GNL3: variants seen among roughly 807,000 people sequenced by gnomAD.
The protein encoded by GNL3 is G protein nucleolar 3, also known as guanine nucleotide-binding protein-like 3.
A neutral mutation model predicts 70.6 loss-of-function variants in GNL3; 77 were observed. The ratio of observed to expected loss-of-function variants is 1.09; its 90% confidence interval spans 0.91 to 1.32. The LOEUF (loss-of-function observed/expected upper bound fraction) is 1.32. Ranked by LOEUF, GNL3 falls within the 40% of genes most tolerant of loss-of-function variation. GNL3 has a pLI of 0.00. For synonymous variants in GNL3, 252 were observed against 216.1 expected, an observed-to-expected ratio of 1.17 and a Z score of -1.46; for missense variants, 634 against 644.0, an observed-to-expected ratio of 0.98 and a Z score of 0.17.
rs373318905 is a variant in GNL3 at position 52,687,391 on chromosome 3, A to C, written c.210+8A>C. ...GAGCTAAGGAAACAGAGGGTAAGTT[A>C]TGTTAGCCAGAATTTTCATTGAGTG... On this transcript the variant is annotated splice_region_variant and intron_variant, in intron 3 of 14. Coordinates refer to ENST00000418458, the MANE Select transcript of GNL3 (RefSeq NM_014366.5). 9.9e-6 allele frequency: 16 copies of C among 1,612,962 alleles called. No individual in the cohort carries two copies. Among genetic ancestry groups the C allele is most frequent in the Non-Finnish European group, 1.3e-5 (15 of 1,179,588 alleles).
chr3:52,686,825 A>C lies in GNL3; in HGVS notation c.70A>C (p.Lys24Gln). 6.2e-7 allele frequency: 1 copy of C among 1,608,008 alleles called. No individual in the cohort carries two copies. Among genetic ancestry groups the C allele is most frequent in the Non-Finnish European group, 8.5e-7 (1 of 1,174,400 alleles). The change falls in exon 2 of 15, where the codon AAG (lysine) becomes CAG (glutamine). Residue 24 changes from lysine to glutamine, a missense_variant and splice_region_variant. Lys to Gln is a moderately conservative substitution (Grantham distance 53). Transcript: ENST00000418458. ...TCHKRYKIQKKVREHHRKLRK... is the reference protein window; with the variant it reads ...TCHKRYKIQKQVREHHRKLRK... ...CCATAAGCGGTATAAAATCCAAAAA[A>C]AGGTAAGTGTAGTGCTTGAGAGAGC...
chr3:52,692,574 C>T (rs899814943), intron 9 of GNL3, among the ~76,000 whole-genome samples: 2 of 152,054 alleles, frequency 1.3e-5, no homozygotes, highest in African/African-American at 2.4e-5. Context: ...ACCTCGGCCT[C>T]CCAAAGTGCT....
At position 52,690,608 on chromosome 3, in the gene GNL3, G is replaced by T. The variant is rs1474086111; in HGVS notation, c.558G>T (p.Glu186Asp). 1.2e-6 allele frequency: 2 copies of T among 1,603,124 alleles called. No homozygotes were observed. Among genetic ancestry groups the T allele is most frequent in the Non-Finnish European group, 1.7e-6 (2 of 1,170,004 alleles). The change falls in exon 7 of 15, where the codon GAG becomes GAT. Residue 186 changes from glutamate to aspartate, a missense_variant. Glu to Asp is a conservative substitution (Grantham distance 45). Coordinates refer to ENST00000418458, the MANE Select transcript of GNL3 (RefSeq NM_014366.5). ...TGCTATCAGATCTGGTACCAAAGGA[G>T]AATTTGGAGAGCTGGCTAAATTATT... ...ILNKSDLVPKENLESWLNYLK... is the reference protein window; with the variant it reads ...ILNKSDLVPKDNLESWLNYLK...
At chr3:52,688,232 G>A in intron 5 of GNL3, 40 bp downstream of exon 5, 2 of 1,172,196 alleles carry the variant, frequency 1.7e-6, no homozygotes, top group Non-Finnish European at 2.5e-6. Flanking sequence ...TAGTAATGAG[G>A]TTTAAAAGAC....
rs2154099800 is a variant in GNL3, at chr3:52,693,725, T to C, written c.1418T>C (p.Leu473Ser). 6.2e-7 allele frequency: 1 copy of C among 1,613,810 alleles called. No homozygotes were observed. Among genetic ancestry groups the C allele is most frequent in the Non-Finnish European group, 8.5e-7 (1 of 1,179,878 alleles). Residue 473 changes from leucine to serine, a missense_variant, in exon 13 of 15, where the codon TTG (leucine) becomes TCG (serine). Coordinates refer to ENST00000418458, the MANE Select transcript of GNL3 (RefSeq NM_014366.5). ...IIEEKDIHEE[L>S]PKRKERKQEE... ...GAAGAAAAGGACATACATGAAGAAT[T>C]GCCAAAACGGAAAGAAAGGAAGCAG...
intron 7 of GNL3, 39 bp from the exon 8 acceptor site, chr3:52,690,906 G>C (rs970288842): frequency 6.2e-7 from 1 of 1,606,822 alleles, no homozygotes; most frequent in African/African-American, 1.3e-5. Flanking sequence ...AAATTTATCA[G>C]GTAAGTTGCC....
Position 52,689,106 on chromosome 3 carries a change from G to A in GNL3, c.441G>A (p.Val147=), listed in dbSNP as rs2097324914. The A allele has an allele frequency of 6.8e-6, 11 of 1,613,030 alleles. No individual in the cohort carries two copies. The highest frequency in any genetic ancestry group is 1.1e-5 in the South Asian group (1 of 91,062). The change falls in exon 6 of 15, where the codon GTG becomes GTA. Residue 147 remains valine, a synonymous_variant. Transcript: ENST00000418458. Reference sequence around the variant, plus strand: ...AAGCCTCCGATGTTGTCCTAGAGGTGTTGGATGCCAGAGATCCTCTTGGTT... The same window carrying A: ...AAGCCTCCGATGTTGTCCTAGAGGTATTGGATGCCAGAGATCCTCTTGGTT... ...VIEASDVVLE[V]LDARDPLGCR... is the part of the protein sequence containing the mutation.
chr3:52,687,645 A>ACC, intron 4 of GNL3, 30 bp downstream of exon 4: 1 of 1,385,676 alleles, frequency 7.2e-7, no homozygotes, highest in Non-Finnish European at 1.0e-6. Flanking sequence ...TGAATGAGAG[A>ACC]TCAGGGGTTT....
At chr3:52,693,126 T>C (rs2097328988) in intron 10 of GNL3, 61 bp from the exon 11 acceptor site, 2 of 1,597,168 alleles carry the variant, frequency 1.3e-6, no homozygotes, top group East Asian at 4.5e-5. Context: ...ATCTTGGAAG[T>C]GTTTTAAAGT....
chr3:52,689,313 G>A, intron 6 of GNL3, 107 bp downstream of exon 6: 2 of 1,069,110 alleles, frequency 1.9e-6, no homozygotes, highest in East Asian at 4.7e-5. Flanking sequence ...TCTCAGCAAA[G>A]CCAGAGTACG....
chr3:52,687,015 G>A (rs2097316461), intron 2 of GNL3, 188 bp downstream of exon 2: 3 of 630,030 alleles, frequency 4.8e-6, no homozygotes, highest in Admixed American at 2.9e-5. Flanking sequence ...TTGGTGATAA[G>A]TCTCTAAATT....
chr3:52,693,090 T>A (rs1439773702), intron 10 of GNL3, 44 bp downstream of exon 10: 1 of 1,606,460 alleles, frequency 6.2e-7, no homozygotes, highest in Non-Finnish European at 8.5e-7. Flanking sequence ...CCATCTTCTT[T>A]CATCATAAGC....
rs376658214 is a variant in GNL3, at chr3:52,694,036, G to A, written c.1501-1G>A. 22 of 1,612,788 alleles carry A rather than the reference G, an allele frequency of 1.4e-5. No homozygotes were observed. Among genetic ancestry groups the A allele is most frequent in the Non-Finnish European group, 1.8e-5 (21 of 1,178,830 alleles). ...CAGCACTATTTTTCTTTGTCACACAGGAAAACAGCTCAGGCATGTTTGCTG... is the reference window on the plus strand; with the variant it reads ...CAGCACTATTTTTCTTTGTCACACAAGAAAACAGCTCAGGCATGTTTGCTG... On this transcript the variant is annotated splice_acceptor_variant, in intron 13 of 14. Coordinates refer to ENST00000418458, the MANE Select transcript of GNL3 (RefSeq NM_014366.5). LOFTEE classifies it high-confidence loss of function.
intron 9 of GNL3, among the ~76,000 whole-genome samples, chr3:52,692,369 A>ATTTTTTTTTTTTTTTT (rs1553911330): frequency 7.9e-6 from 1 of 126,408 alleles, no homozygotes; most frequent in South Asian, 2.3e-4. Context: ...CAACTTTTAG[A>ATTTTTTTTTTTTTTTT]TTTTTTTTTT....
At chr3:52,687,102 CT>C (rs2097317023) in intron 2 of GNL3, 143 bp from the exon 3 acceptor site, 13 of 704,068 alleles carry the variant, frequency 1.8e-5, no homozygotes, top group Non-Finnish European at 2.7e-5. Flanking sequence ...ATATGCATTA[CT>C]TTGTAAGATT....
rs1473781202 is a variant in GNL3, at chr3:52,691,619, G to A, written c.859G>A (p.Gly287Arg). Reference protein sequence around the residue: ...EQMCNVGVSMGLTRSMQVVPL... With the variant: ...EQMCNVGVSMRLTRSMQVVPL... ...GATGTGTAATGTTGGTGTATCCATG[G>A]GGCTTACAAGGTAAATGGAGGTGTC... Residue 287 changes from glycine to arginine, a missense_variant, in exon 9 of 15, where the codon GGG becomes AGG. Physicochemically the swap from Gly to Arg is moderately radical, Grantham distance 125. Transcript: ENST00000418458. 2 of 1,545,982 alleles carry A rather than the reference G, an allele frequency of 1.3e-6. No homozygotes were observed. The highest frequency in any genetic ancestry group is 2.7e-5 in the African/African-American group (2 of 73,568).
At chr3:52,688,225 T>C (rs779761530) in intron 5 of GNL3, 33 bp downstream of exon 5, 3 of 1,230,614 alleles carry the variant, frequency 2.4e-6, no homozygotes, top group African/African-American at 3.0e-5. Context: ...CTGACAGTAG[T>C]AATGAGGTTT....
rs1561255873 is a variant in GNL3, at chr3:52,691,069, T to C, written c.779T>C (p.Ile260Thr). 3 of 1,613,788 alleles carry C rather than the reference T, an allele frequency of 1.9e-6. No homozygotes were observed. Among genetic ancestry groups the C allele is most frequent in the South Asian group, 2.2e-5 (2 of 91,076 alleles). Reference protein sequence around the residue: ...TCSKAIRVGVIGFPNVGKSSI... With the variant: ...TCSKAIRVGVTGFPNVGKSSI... ...AGCAAAGCCATTCGGGTTGGAGTAATTGGTGAGTTTCAGTTCATTACTTTT... is the reference window on the plus strand; with the variant it reads ...AGCAAAGCCATTCGGGTTGGAGTAACTGGTGAGTTTCAGTTCATTACTTTT... The change falls in exon 8 of 15, where the codon ATT becomes ACT. Residue 260 changes from isoleucine to threonine, a missense_variant and splice_region_variant. Coordinates refer to ENST00000418458, the MANE Select transcript of GNL3 (RefSeq NM_014366.5).
rs777450203 is a variant in GNL3, at chr3:52,686,827, G to A, written c.72G>A (p.Lys24=). The A allele has an allele frequency of 8.1e-6, 13 of 1,604,526 alleles. No individual in the cohort carries two copies. The highest frequency in any genetic ancestry group is 2.7e-5 in the African/African-American group (2 of 74,740). The change falls in exon 2 of 15, where the codon AAG becomes AAA. Residue 24 remains lysine, a splice_region_variant and synonymous_variant. Coordinates refer to ENST00000418458, the MANE Select transcript of GNL3 (RefSeq NM_014366.5). ...TCHKRYKIQK[K]VREHHRKLRK... ...ATAAGCGGTATAAAATCCAAAAAAAGGTAAGTGTAGTGCTTGAGAGAGCTG... is the reference window on the plus strand; with the variant it reads ...ATAAGCGGTATAAAATCCAAAAAAAAGTAAGTGTAGTGCTTGAGAGAGCTG...
Sources: allele counts gnomAD v4.1 joint callset (sites outside exome capture counted in the v4.1 genomes callset), GRCh38; gene constraint gnomAD v4.1.1; transcripts MANE v1.5; gene names NCBI Gene and HGNC (gene_info 2026-07-23, HGNC 2026-07-21).